Variants in SGSM3 observed in about 807,000 individuals in gnomAD.
SGSM3 encodes the protein small G protein signaling modulator 3.
Under a neutral mutation model 100.5 loss-of-function variants are expected in SGSM3, and 96 were observed. The ratio of observed to expected loss-of-function variants is 0.96; its 90% confidence interval spans 0.81 to 1.13. The LOEUF (loss-of-function observed/expected upper bound fraction) is 1.13, where lower values mean the gene tolerates loss of function less well. Ranked by LOEUF, SGSM3 falls within the 50% of genes most tolerant of loss-of-function variation. SGSM3 has a pLI of 0.00. For synonymous variants in SGSM3, 483 were observed against 422.8 expected, an observed-to-expected ratio of 1.14 and a Z score of -1.75; for missense variants, 1,001 against 1,015.8, an observed-to-expected ratio of 0.99 and a Z score of 0.20.
chr22:40,400,757 G>C lies in SGSM3; in HGVS notation c.-50G>C. ...CTTCCAGCTCTAAGATAGCAGGATAGGAGACTTCTAAGATTGGAGCTGCAG... is the reference window on the plus strand; with the variant it reads ...CTTCCAGCTCTAAGATAGCAGGATACGAGACTTCTAAGATTGGAGCTGCAG... On this transcript the variant is annotated 5_prime_UTR_variant, in exon 2 of 22. The change abolishes the stop of an existing upstream ORF in the 5' untranslated region. Coordinates refer to ENST00000248929, the MANE Select transcript of SGSM3 (RefSeq NM_015705.6). 6.5e-7 allele frequency: 1 copy of C among 1,549,176 alleles called. No homozygotes were observed. The highest frequency in any genetic ancestry group is 1.2e-5 in the South Asian group (1 of 83,978).
rs1163264349 is a variant in SGSM3 at position 40,407,762 on chromosome 22, G to C, written c.1525-27G>C. 2 of 1,613,990 alleles carry C rather than the reference G, an allele frequency of 1.2e-6. No homozygotes were observed. The highest frequency in any genetic ancestry group is 1.7e-6 in the Non-Finnish European group (2 of 1,179,936). ...CGCTGGCCCAGGGCACCCAGCTTTG[G>C]TTCCTGCTGTTTTTCCTCCTGTGCA... is the stretch of plus-strand genomic sequence containing the variant. On this transcript the variant is annotated intron_variant, in intron 13 of 21. Coordinates refer to ENST00000248929, the MANE Select transcript of SGSM3 (RefSeq NM_015705.6). The surrounding 1 kb of genome is among the most constrained non-coding windows in gnomAD (Gnocchi z 4.7).
chr22:40,377,126 T>C (rs1348634265), intron 1 of SGSM3, among the ~76,000 whole-genome samples: 2 of 152,212 alleles, frequency 1.3e-5, no homozygotes, highest in Non-Finnish European at 1.5e-5. Context: ...TTTTGGCCTG[T>C]CCAGCATCCA....
chr22:40,371,694 T>C (rs184379167), intron 1 of SGSM3, among the ~76,000 whole-genome samples: 186 of 152,274 alleles, frequency 1.2e-3, no homozygotes, highest in African/African-American at 4.4e-3. Flanking sequence ...TCTTCTTTTC[T>C]TTTCTTTTCT....
chr22:40,409,940 C>A lies in SGSM3; in HGVS notation c.*181C>A. On this transcript the variant is annotated 3_prime_UTR_variant, in exon 22 of 22. Transcript: ENST00000248929. ...TGGTGGGAGCAGAGGGTACCCTGCCCCACCAGGGTCCTTAGGGATGCTCTA... is the reference window on the plus strand; with the variant it reads ...TGGTGGGAGCAGAGGGTACCCTGCCACACCAGGGTCCTTAGGGATGCTCTA... 5.7e-6 allele frequency: 8 copies of A among 1,399,456 alleles called. No individual in the cohort carries two copies. The highest frequency in any genetic ancestry group is 7.4e-6 in the Non-Finnish European group (8 of 1,083,510). The allele number at this position is 1,399,456 out of a possible 1,614,324, so 86.7% of individuals were successfully genotyped here.
At position 40,406,926 on chromosome 22, in the gene SGSM3, G is replaced by C. The variant is rs1353221437; in HGVS notation, c.1186-91G>C. 3.2e-6 allele frequency: 4 copies of C among 1,263,170 alleles called. No individual in the cohort carries two copies. The South Asian group carries it at 5.1e-5, about 16-fold the overall frequency. The allele number at this position is 1,263,170 out of a possible 1,614,324, so 78.2% of individuals were successfully genotyped here. A position where few individuals can be genotyped will look rare whatever the true frequency, so the allele number is the denominator to read the frequency against. On this transcript the variant is annotated intron_variant, in intron 10 of 21. Coordinates refer to ENST00000248929, the MANE Select transcript of SGSM3 (RefSeq NM_015705.6). The stretch of plus-strand genomic sequence containing the variant: ...TCAATTCTTGGAGCCAGCGTCAGAG[G>C]CTATTTCAGATGAGACAGTATAAGC...
intron 1 of SGSM3, chr22:40,372,754 T>C (rs2045834303): frequency 6.6e-6 from 1 of 152,222 alleles, no homozygotes; most frequent in Non-Finnish European, 1.5e-5. Flanking sequence ...GCCTGCTGGC[T>C]CAGAAGCTTA....
chr22:40,383,630 A>G (rs145246336), intron 1 of SGSM3, among the ~76,000 whole-genome samples: 9 of 152,282 alleles, frequency 5.9e-5, no homozygotes, highest in African/African-American at 2.2e-4. Flanking sequence ...CAATATAAAT[A>G]AAGGCACAGA....
At position 40,395,443 on chromosome 22, in the gene SGSM3, T is replaced by C. The variant is rs550764150; in HGVS notation, c.-111-5253T>C. Among the ~76,000 whole-genome samples the C allele has an allele frequency of 3.1e-4, 47 of 151,990 alleles. No homozygotes were observed. In the South Asian group the frequency reaches 9.3e-3, roughly 30 times the overall value. The stretch of plus-strand genomic sequence containing the variant: ...CTGAACCAATTCTCCTGCTTCAGCC[T>C]CCCAAGTAGCTGGGATTATAGGTGC... On this transcript the variant is annotated intron_variant, in intron 1 of 21. Coordinates refer to ENST00000248929, the MANE Select transcript of SGSM3 (RefSeq NM_015705.6).
intron 1 of SGSM3, among the ~76,000 whole-genome samples, chr22:40,398,276 A>C (rs1278314539): frequency 1.0e-5 from 1 of 99,360 alleles, no homozygotes; most frequent in Non-Finnish European, 2.1e-5. Context: ...CTGTCATCTG[A>C]TTCTCTAATG....
At chr22:40,375,354 C>T (rs1040002291) in intron 1 of SGSM3, among the ~76,000 whole-genome samples, 4 of 151,896 alleles carry the variant, frequency 2.6e-5, no homozygotes, top group Admixed American at 6.6e-5. Context: ...CCGAGGTAGG[C>T]GGATCACCTA....
chr22:40,405,976 C>T lies in SGSM3; in HGVS notation c.815-102C>T, dbSNP rs557052544. On this transcript the variant is annotated intron_variant, in intron 8 of 21. Transcript: ENST00000248929. ...TTTTGTTCTCTGGTGTTCCCTGCCC[C>T]CTCCCCTCCTTTGCTCTTAAGCAGG... is the stretch of plus-strand genomic sequence containing the variant. 13 of 1,508,272 alleles carry T rather than the reference C, an allele frequency of 8.6e-6. No homozygotes were observed. In the Admixed American group the frequency reaches 1.3e-4, roughly 15 times the overall value. The allele number at this position is 1,508,272 out of a possible 1,614,324, so 93.4% of individuals were successfully genotyped here. A position where few individuals can be genotyped will look rare whatever the true frequency, so the allele number is the denominator to read the frequency against.
chr22:40,391,436 G>C (rs184363559), intron 1 of SGSM3, among the ~76,000 whole-genome samples: 1 of 152,054 alleles, frequency 6.6e-6, no homozygotes, highest in Non-Finnish European at 1.5e-5. Flanking sequence ...AGTGAGACCC[G>C]GTCTCTACAA....
At chr22:40,395,478 C>T (rs964351469) in intron 1 of SGSM3, among the ~76,000 whole-genome samples, 2 of 152,216 alleles carry the variant, frequency 1.3e-5, no homozygotes, top group East Asian at 3.9e-4. Flanking sequence ...CCTGCCACCA[C>T]GCCCAGCTAA....
chr22:40,404,717 G>A, intron 6 of SGSM3, 53 bp downstream of exon 6: 1 of 1,299,856 alleles, frequency 7.7e-7, no homozygotes, highest in South Asian at 1.2e-5. Context: ...GGGCTCGCAG[G>A]AGAGAGGGAG....
intron 1 of SGSM3, among the ~76,000 whole-genome samples, chr22:40,391,848 T>C (rs2049391770): frequency 6.6e-6 from 1 of 152,220 alleles, no homozygotes; most frequent in Non-Finnish European, 1.5e-5. Context: ...CTTCTGAGCC[T>C]TGGGCTCTGA....
At chr22:40,406,776 C>T (rs1166326869) in intron 10 of SGSM3, 114 bp downstream of exon 10, 13 of 995,888 alleles carry the variant, frequency 1.3e-5, no homozygotes, top group Non-Finnish European at 1.8e-5. Context: ...CTGCTCTGCC[C>T]CCCAGCCTGG....
At chr22:40,396,541 T>G (rs1001870298) in intron 1 of SGSM3, among the ~76,000 whole-genome samples, 1 of 137,054 alleles carries the variant, frequency 7.3e-6, no homozygotes, top group Non-Finnish European at 1.5e-5. Flanking sequence ...TGCAGTGAGC[T>G]GAGATTGCGC....
chr22:40,395,522 A>G (rs917118920), intron 1 of SGSM3, among the ~76,000 whole-genome samples: 6 of 152,024 alleles, frequency 3.9e-5, no homozygotes, highest in Non-Finnish European at 7.4e-5. Flanking sequence ...GGGTTTCACC[A>G]TGTTGGCCAG....
chr22:40,408,248 G>A (rs1474763213), intron 15 of SGSM3, 29 bp from the exon 16 acceptor site: 1 of 1,611,572 alleles, frequency 6.2e-7, no homozygotes, highest in Non-Finnish European at 8.5e-7. Flanking sequence ...CGTCAGGCAG[G>A]GCTTTCTCAG....
Sources: gnomAD v4.1 joint callset for allele counts (sites outside exome capture counted in the v4.1 genomes callset) on GRCh38, gnomAD v4.1.1 for gene constraint, Gnocchi (gnomAD v3.1) non-coding constraint, MANE v1.5 for transcripts, NCBI Gene and HGNC (gene_info 2026-07-23, HGNC 2026-07-21) for gene names.